The following STAG2 variants were observed in gnomAD, a reference collection of about 807,000 sequenced individuals.
STAG2 encodes cohesin subunit SA-2.
Under a neutral mutation model 108.1 loss-of-function variants are expected in STAG2, and 14 were observed. The observed-to-expected ratio is 0.13, with a 90% CI of 0.09 to 0.20. The LOEUF is 0.20. Among genes scored for constraint, STAG2 ranks in the 10% least tolerant of loss-of-function variants. The pLI is 1.00. For missense variants in STAG2, 440 were observed against 940.9 expected, an observed-to-expected ratio of 0.47 and a Z score of 6.96; for synonymous variants, 307 against 302.7, an observed-to-expected ratio of 1.01 and a Z score of -0.15.
Position 124,101,306 on chromosome X carries a change from A to G in STAG2, c.*709A>G, listed in dbSNP as rs1487497754. ...ATGCTTATCCCATTATCAACCCTGA[A>G]AGTTTGCTTGTCCTTTAAGATAAAA... On this transcript the variant is annotated 3_prime_UTR_variant, in exon 35 of 35. Coordinates refer to ENST00000371145, the MANE Select transcript of STAG2 (RefSeq NM_001042750.2). 6.6e-6 allele frequency: 1 copy of G among 150,929 alleles called. No homozygotes were observed. Among genetic ancestry groups the G allele is most frequent in the Non-Finnish European group, 1.3e-5 (1 of 76,868 alleles). 12.4% of individuals were successfully genotyped at this position (150,929 alleles called of 1,213,427 possible). A position where few individuals can be genotyped will look rare whatever the true frequency, so the allele number is the denominator to read the frequency against.
intron 1 of STAG2, among the ~76,000 whole-genome samples, chrX:124,013,324 A>AAC (rs71886288): frequency 0.026 from 2,738 of 103,621 alleles, 54 homozygotes; most frequent in African/African-American, 0.068. Context: ...CACACACACA[A>AAC]ACACACACAC....
chrX:123,993,127 T>G (rs1160334128), intron 1 of STAG2, among the ~76,000 whole-genome samples: 1 of 111,116 alleles, frequency 9.0e-6, no homozygotes, highest in Non-Finnish European at 1.9e-5. Flanking sequence ...TTTGAGTTAT[T>G]TAGACTAAAA....
chrX:124,062,467 T>C (rs1008040429), intron 17 of STAG2, among the ~76,000 whole-genome samples: 79 of 112,537 alleles, frequency 7.0e-4, no homozygotes, highest in African/African-American at 2.5e-3. Flanking sequence ...TTTAAAAATT[T>C]CTGTTTCTTT....
intron 6 of STAG2, among the ~76,000 whole-genome samples, chrX:124,041,472 A>C (rs34061250): frequency 0.034 from 3,750 of 110,632 alleles, 64 homozygotes; most frequent in Non-Finnish European, 0.048. Context: ...TGCTCTGGTC[A>C]ATTGAAAAAA....
At chrX:124,052,273 T>C (rs2058067198) in intron 13 of STAG2, among the ~76,000 whole-genome samples, 1 of 112,079 alleles carries the variant, frequency 8.9e-6, no homozygotes, top group Admixed American at 9.5e-5. Context: ...CCACTATCCA[T>C]TGTCAGAACC....
At chrX:124,082,331 C>T (rs1452401689) in intron 28 of STAG2, among the ~76,000 whole-genome samples, 1 of 111,559 alleles carries the variant, frequency 9.0e-6, no homozygotes, top group Non-Finnish European at 1.9e-5. Flanking sequence ...ATTTAGTGAT[C>T]AATTGCACTT....
chrX:123,966,834 A>T (rs1233545833), intron 1 of STAG2, among the ~76,000 whole-genome samples: 1 of 112,052 alleles, frequency 8.9e-6, no homozygotes, highest in African/African-American at 3.2e-5. Flanking sequence ...GATACTCACC[A>T]GTAGACACCA....
At chrX:124,026,882 T>A (rs1013543349) in intron 4 of STAG2, among the ~76,000 whole-genome samples, 1 of 112,073 alleles carries the variant, frequency 8.9e-6, no homozygotes, top group East Asian at 2.8e-4. Flanking sequence ...TTCTATTTTT[T>A]AAATTAAATT....
intron 1 of STAG2, among the ~76,000 whole-genome samples, chrX:123,997,625 C>A (rs1044534353): frequency 8.9e-6 from 1 of 112,378 alleles, no homozygotes; most frequent in African/African-American, 3.2e-5. Flanking sequence ...CAAGGTTTAT[C>A]CTTGGTTGGT....
At chrX:124,092,566 G>T (rs757152635) in intron 32 of STAG2, among the ~76,000 whole-genome samples, 2 of 111,646 alleles carry the variant, frequency 1.8e-5, no homozygotes, top group Non-Finnish European at 3.8e-5. Flanking sequence ...CCGCCTCCCG[G>T]CAACTACAAG....
intron 25 of STAG2, among the ~76,000 whole-genome samples, chrX:124,073,533 C>A (rs2058726751): frequency 1.8e-5 from 2 of 111,317 alleles, no homozygotes; most frequent in South Asian, 7.6e-4. Flanking sequence ...AATGATTCTC[C>A]CACCTCAGTC....
At chrX:124,085,749 CGA>C (rs1192024996) in intron 29 of STAG2, among the ~76,000 whole-genome samples, 1 of 87,427 alleles carries the variant, frequency 1.1e-5, no homozygotes, top group Admixed American at 1.4e-4. Flanking sequence ...ACTACAGCCT[CGA>C]TGACAGAGTG....
intron 13 of STAG2, among the ~76,000 whole-genome samples, chrX:124,053,565 A>G (rs765364059): frequency 7.2e-5 from 8 of 111,669 alleles, no homozygotes; most frequent in Admixed American, 1.9e-4. Context: ...GACTAGCCCA[A>G]TGTATTTTTA....
chrX:123,964,702 A>G (rs2054014053), intron 1 of STAG2, among the ~76,000 whole-genome samples: 2 of 100,657 alleles, frequency 2.0e-5, no homozygotes, highest in Admixed American at 2.2e-4. Flanking sequence ...AGAGACTGGC[A>G]GAGAGGGTGG....
intron 10 of STAG2, 40 bp downstream of exon 10, chrX:124,049,118 A>G (rs774641481): frequency 9.8e-7 from 1 of 1,018,122 alleles, no homozygotes; most frequent in Non-Finnish European, 1.4e-6. Flanking sequence ...GCATTATGTA[A>G]TTTCTACTCA....
chrX:123,972,866 C>CAAAAAAAAAAAAAAA (rs747333406), intron 1 of STAG2, among the ~76,000 whole-genome samples: 25 of 21,927 alleles, frequency 1.1e-3, no homozygotes, highest in African/African-American at 2.1e-3. Context: ...ACCAAAAATA[C>CAAAAAAAAAAAAAAA]AAAAAAAAAA....
At chrX:124,056,037 C>A in intron 13 of STAG2, 91 bp from the exon 14 acceptor site, 4 of 479,450 alleles carry the variant, frequency 8.3e-6, no homozygotes, top group East Asian at 4.6e-5. Flanking sequence ...AACTTTACAA[C>A]TTTTTAAAAG....
chrX:123,985,710 A>G (rs2055138047), intron 1 of STAG2, among the ~76,000 whole-genome samples: 1 of 109,403 alleles, frequency 9.1e-6, no homozygotes, highest in Non-Finnish European at 1.9e-5. Context: ...AGCTGGGATT[A>G]CAGGCACGCT....
At chrX:123,998,168 ATTTTTTT>A in intron 1 of STAG2, among the ~76,000 whole-genome samples, 1 of 84,235 alleles carries the variant, frequency 1.2e-5, no homozygotes, top group Non-Finnish European at 2.4e-5. Flanking sequence ...ACTGTGTTTA[ATTTTTTT>A]TTTTTTTTTT....
Sources: allele counts gnomAD v4.1 joint callset (sites outside exome capture counted in the v4.1 genomes callset), GRCh38; gene constraint gnomAD v4.1.1; transcripts MANE v1.5; gene names NCBI Gene and HGNC (gene_info 2026-07-23, HGNC 2026-07-21).